Variants in AFAP1L1 observed in about 807,000 individuals in gnomAD.
AFAP1L1 encodes actin filament associated protein 1 like 1.
A neutral mutation model predicts 99.8 loss-of-function variants in AFAP1L1; 77 were observed. The observed-to-expected ratio is 0.77, with a 90% CI of 0.64 to 0.93. AFAP1L1 has a LOEUF of 0.93. AFAP1L1 is among the 40% of genes least tolerant of loss of function. The pLI, the probability that AFAP1L1 is intolerant of heterozygous loss-of-function variation, is 0.00. For synonymous variants in AFAP1L1, 373 were observed against 395.3 expected (o/e 0.94, Z 0.67); for missense variants, 893 against 996.8 (o/e 0.90, Z 1.40).
intron 16 of AFAP1L1, among the ~76,000 whole-genome samples, chr5:149,331,883 A>G (rs1233634208): frequency 6.6e-6 from 1 of 152,088 alleles, no homozygotes; most frequent in African/African-American, 2.4e-5. Flanking sequence ...TGATGCCACA[A>G]TGGCTGCACA....
Position 149,312,122 on chromosome 5 carries a change from A to G in AFAP1L1, c.938A>G (p.Glu313Gly). ...GTGTCCTCTTCACAGGTCATCCGAGAAGTGAGCAAGCCAGTTGGGGGAGCT... is the reference window on the plus strand; with the variant it reads ...GTGTCCTCTTCACAGGTCATCCGAGGAGTGAGCAAGCCAGTTGGGGGAGCT... ...QAEEWLKVIR[E>G]VSKPVGGAEG... is the part of the protein sequence containing the mutation. The change falls in exon 9 of 19, where the codon GAA becomes GGA. Residue 313 changes from glutamate (E) to glycine (G), a missense_variant. Transcript: ENST00000296721. 6.2e-7 allele frequency: 1 copy of G among 1,613,630 alleles called. No individual in the cohort carries two copies. The highest frequency in any genetic ancestry group is 8.5e-7 in the Non-Finnish European group (1 of 1,179,918).
chr5:149,326,599 T>G (rs1455942015), intron 15 of AFAP1L1, among the ~76,000 whole-genome samples: 1 of 150,096 alleles, frequency 6.7e-6, no homozygotes, highest in Non-Finnish European at 1.5e-5. Context: ...AAGAAATTTT[T>G]TAAAATAAAA....
chr5:149,300,054 A>C (rs1309512902), intron 2 of AFAP1L1, among the ~76,000 whole-genome samples: 1 of 152,222 alleles, frequency 6.6e-6, no homozygotes, highest in Non-Finnish European at 1.5e-5. Context: ...ATCTGTTTCC[A>C]TACTGGGCTT....
intron 1 of AFAP1L1, among the ~76,000 whole-genome samples, chr5:149,283,255 C>T (rs1266126578): frequency 6.6e-6 from 1 of 152,182 alleles, no homozygotes; most frequent in African/African-American, 2.4e-5. Flanking sequence ...AAAGCCTGTC[C>T]ATTGGCTTTG....
chr5:149,331,280 AAAAG>A (rs145276993), intron 16 of AFAP1L1, among the ~76,000 whole-genome samples: 3,028 of 152,208 alleles, frequency 0.02, 67 homozygotes, highest in African/African-American at 0.053. Context: ...CTATTTTTCT[AAAAG>A]AAAGAAAATT....
At chr5:149,275,714 G>A (rs1353467031) in intron 1 of AFAP1L1, among the ~76,000 whole-genome samples, 1 of 151,658 alleles carries the variant, frequency 6.6e-6, no homozygotes, top group African/African-American at 2.4e-5. Flanking sequence ...CACCACGTTA[G>A]CCAGGATGGT....
chr5:149,288,206 A>G (rs900030468), intron 1 of AFAP1L1, among the ~76,000 whole-genome samples: 1 of 152,324 alleles, frequency 6.6e-6, no homozygotes, highest in African/African-American at 2.4e-5. Flanking sequence ...GGAGACACCT[A>G]TGAAAAGAAG....
At chr5:149,302,285 G>A in intron 4 of AFAP1L1, 133 bp from the exon 5 acceptor site, 2 of 580,060 alleles carry the variant, frequency 3.4e-6, no homozygotes, top group Non-Finnish European at 5.9e-6. Context: ...TACCAGCTCT[G>A]TGGCTCTATA....
intron 16 of AFAP1L1, 108 bp from the exon 17 acceptor site, chr5:149,332,587 G>T: frequency 8.3e-7 from 1 of 1,205,306 alleles, no homozygotes; most frequent in East Asian, 2.4e-5. Context: ...CAAGACTGGG[G>T]GCTGGAAGGG....
At chr5:149,282,342 TTCC>T in intron 1 of AFAP1L1, among the ~76,000 whole-genome samples, 1 of 151,872 alleles carries the variant, frequency 6.6e-6, no homozygotes, top group Non-Finnish European at 1.5e-5. Flanking sequence ...CCAGGCGCCA[TTCC>T]CTCAACCATG....
chr5:149,296,018 C>G (rs1326721614), intron 1 of AFAP1L1, among the ~76,000 whole-genome samples: 2 of 152,134 alleles, frequency 1.3e-5, no homozygotes, highest in Non-Finnish European at 2.9e-5. Context: ...CCACATAAAA[C>G]AAAAGCAATT....
Position 149,340,152 on chromosome 5 carries a change from C to A in AFAP1L1, c.*122C>A. On this transcript the variant is annotated 3_prime_UTR_variant, in exon 19 of 19. Coordinates refer to ENST00000296721, the MANE Select transcript of AFAP1L1 (RefSeq NM_152406.4). ...AGTAGCCCTCGTTCTCCAGGGCACC[C>A]AAAATACCAGCCTTTATTGTCTGCA... The A allele has an allele frequency of 1.8e-6, 2 of 1,102,116 alleles. No homozygotes were observed. The highest frequency in any genetic ancestry group is 2.7e-6 in the Non-Finnish European group (2 of 748,348). The allele number at this position is 1,102,116 out of a possible 1,614,324, so 68.3% of individuals were successfully genotyped here.
At chr5:149,279,147 T>C (rs1448172173) in intron 1 of AFAP1L1, among the ~76,000 whole-genome samples, 1 of 152,216 alleles carries the variant, frequency 6.6e-6, no homozygotes, top group African/African-American at 2.4e-5. Context: ...TGAGCAAGAC[T>C]AAAGTTGAAG....
intron 18 of AFAP1L1, 41 bp from the exon 19 acceptor site, chr5:149,339,966 C>A: frequency 6.2e-7 from 1 of 1,612,350 alleles, no homozygotes; most frequent in South Asian, 1.1e-5. Flanking sequence ...TCACACTAGA[C>A]CATTCAGCAA....
chr5:149,278,798 C>T (rs75450541), intron 1 of AFAP1L1, among the ~76,000 whole-genome samples: 11,848 of 152,228 alleles, frequency 0.078, 1,104 homozygotes, highest in African/African-American at 0.23. Context: ...TTCCCTCTTG[C>T]TCTGTCTCTA....
chr5:149,272,113 G>A, intron 1 of AFAP1L1, 129 bp downstream of exon 1: 1 of 985,146 alleles, frequency 1.0e-6, no homozygotes, highest in Non-Finnish European at 1.3e-6. Context: ...CGCTCGGAGG[G>A]GACTGGGAGA....
chr5:149,293,720 A>G (rs1444464323), intron 1 of AFAP1L1, among the ~76,000 whole-genome samples: 1 of 152,206 alleles, frequency 6.6e-6, no homozygotes, highest in Non-Finnish European at 1.5e-5. Context: ...TGACAAAACA[A>G]CATGCAATAT....
chr5:149,302,554 G>A (rs1756262500), intron 5 of AFAP1L1, 28 bp downstream of exon 5: 1 of 1,544,640 alleles, frequency 6.5e-7, no homozygotes, highest in African/African-American at 1.4e-5. Context: ...TGGTGGGGCT[G>A]GGGACTTCCT....
At chr5:149,313,739 C>T (rs941253605) in intron 9 of AFAP1L1, among the ~76,000 whole-genome samples, 1 of 152,210 alleles carries the variant, frequency 6.6e-6, no homozygotes, top group Non-Finnish European at 1.5e-5. Context: ...AAATGCCAAG[C>T]TGTGTAAGTG....
Sources: gnomAD v4.1 joint callset for allele counts (sites outside exome capture counted in the v4.1 genomes callset) on GRCh38, gnomAD v4.1.1 for gene constraint, MANE v1.5 for transcripts, NCBI Gene and HGNC (gene_info 2026-07-23, HGNC 2026-07-21) for gene names.